Variants in ARNT2 observed in about 807,000 individuals in gnomAD.
ARNT2 encodes ARNT protein 2.
In ARNT2, 36 loss-of-function variants were observed where a neutral mutation model predicts 91.7. The observed-to-expected ratio is 0.39, with a 90% CI of 0.30 to 0.52. The LOEUF is 0.52. Ranked by LOEUF, ARNT2 falls within the 20% of genes least tolerant of loss-of-function variation. ARNT2 has a pLI of 0.72. For synonymous variants in ARNT2, 365 were observed against 347.1 expected (o/e 1.05, Z -0.57); for missense variants, 775 against 939.3 (o/e 0.83, Z 2.29).
At chr15:80,585,168 A>G (rs1283202672) in intron 17 of ARNT2, among the ~76,000 whole-genome samples, 1 of 152,206 alleles carries the variant, frequency 6.6e-6, no homozygotes, top group African/African-American at 2.4e-5. Context: ...CTGCTGTCAT[A>G]ATTGTGTTTC....
intron 1 of ARNT2, among the ~76,000 whole-genome samples, chr15:80,429,094 A>T (rs1833761040): frequency 6.6e-6 from 1 of 152,226 alleles, no homozygotes; most frequent in Non-Finnish European, 1.5e-5. Context: ...CCCGACTGTG[A>T]TAATAAGAAA....
chr15:80,560,459 T>A (rs79364965), intron 11 of ARNT2, among the ~76,000 whole-genome samples: 7,571 of 152,238 alleles, frequency 0.05, 301 homozygotes, highest in African/African-American at 0.12. Flanking sequence ...GGTGCAGAAC[T>A]GCCCGCTCCC....
chr15:80,507,304 A>T (rs1432772269), intron 5 of ARNT2, among the ~76,000 whole-genome samples: 1 of 152,054 alleles, frequency 6.6e-6, no homozygotes, highest in Non-Finnish European at 1.5e-5. Flanking sequence ...TCTTCCTCTG[A>T]GGTAAGAGCA....
At chr15:80,412,099 C>T (rs917860641) in intron 1 of ARNT2, among the ~76,000 whole-genome samples, 2 of 152,196 alleles carry the variant, frequency 1.3e-5, no homozygotes, top group African/African-American at 2.4e-5. Context: ...TTGAATAGTG[C>T]AGGCTTTAGA....
intron 1 of ARNT2, among the ~76,000 whole-genome samples, chr15:80,430,175 C>T (rs1038139455): frequency 6.6e-6 from 1 of 152,140 alleles, no homozygotes; most frequent in Non-Finnish European, 1.5e-5. Flanking sequence ...CTTGATACCA[C>T]AGCTATAACT....
At chr15:80,545,917 T>A (rs901429859) in intron 8 of ARNT2, among the ~76,000 whole-genome samples, 3 of 152,326 alleles carry the variant, frequency 2.0e-5, no homozygotes, top group Middle Eastern at 3.4e-3. Flanking sequence ...AGGTAAAATC[T>A]AGCTTCTTTG....
intron 8 of ARNT2, among the ~76,000 whole-genome samples, chr15:80,519,537 T>A (rs917859890): frequency 1.3e-5 from 2 of 152,166 alleles, no homozygotes; most frequent in African/African-American, 4.8e-5. Flanking sequence ...CAGAAGGATG[T>A]CTTTGAGTTC....
intron 17 of ARNT2, among the ~76,000 whole-genome samples, chr15:80,586,628 G>A (rs1893176684): frequency 6.6e-6 from 1 of 152,116 alleles, no homozygotes; most frequent in African/African-American, 2.4e-5. Context: ...CCCTTTGGGA[G>A]GCCGAGGTGG....
chr15:80,405,007 C>T (rs1417649144), intron 1 of ARNT2, among the ~76,000 whole-genome samples: 4 of 152,122 alleles, frequency 2.6e-5, no homozygotes, highest in African/African-American at 9.7e-5. Context: ...GGACTCTCCC[C>T]TGCCCGCCCC....
Position 80,514,847 on chromosome 15 carries a change from CT to C in ARNT2, c.877+443del, listed in dbSNP as rs1233208454. Among the ~76,000 whole-genome samples the C allele has an allele frequency of 6.6e-5, 10 of 152,262 alleles. No individual in the cohort carries two copies. In the East Asian group the frequency reaches 1.9e-3, roughly 29 times the overall value. Reference sequence around the variant, plus strand: ...GTTGCAGTGAGCCAAGATTTCGCCACTGTATTCCAGCCTGGGCAACACAGCA... The same window carrying C: ...GTTGCAGTGAGCCAAGATTTCGCCACGTATTCCAGCCTGGGCAACACAGCA... On this transcript the variant is annotated intron_variant, in intron 8 of 18. Transcript: ENST00000303329.
In ARNT2 at chr15:80,450,971, C is replaced by T; in HGVS notation, c.123C>T (p.Ala41=). 1.2e-6 allele frequency: 2 copies of T among 1,614,020 alleles called. No individual in the cohort carries two copies. The highest frequency in any genetic ancestry group is 1.7e-6 in the Non-Finnish European group (2 of 1,180,004). The change falls in exon 2 of 19, where the codon GCC becomes GCT. Residue 41 remains alanine, a synonymous_variant. Transcript: ENST00000303329. ...GQVRMAGAMP[A]RGGKRRSGMD... ...TGAGGATGGCGGGGGCCATGCCTGC[C>T]CGTGGAGGAAAGCGGCGTTCCGGGT... is the stretch of plus-strand genomic sequence containing the variant.
At chr15:80,430,113 G>A (rs773463218) in intron 1 of ARNT2, among the ~76,000 whole-genome samples, 5 of 152,144 alleles carry the variant, frequency 3.3e-5, no homozygotes, top group Admixed American at 6.5e-5. Context: ...GTCTTCTCCC[G>A]AGAATGAGCA....
intron 1 of ARNT2, among the ~76,000 whole-genome samples, chr15:80,417,564 T>G (rs1272495774): frequency 6.6e-6 from 1 of 151,504 alleles, no homozygotes; most frequent in Non-Finnish European, 1.5e-5. Context: ...CTTTCTTTTC[T>G]CCTTCTCCCC....
intron 8 of ARNT2, among the ~76,000 whole-genome samples, chr15:80,535,585 G>A (rs991444819): frequency 4.6e-5 from 7 of 152,178 alleles, no homozygotes; most frequent in Admixed American, 2.0e-4. Flanking sequence ...TCTACTGGGG[G>A]ATTTGTGCTT....
intron 12 of ARNT2, among the ~76,000 whole-genome samples, chr15:80,564,778 C>T (rs544988761): frequency 6.6e-6 from 1 of 151,236 alleles, no homozygotes; most frequent in South Asian, 2.1e-4. Context: ...TGAGAACACG[C>T]GGTATTTGGT....
At chr15:80,555,224 T>G in intron 11 of ARNT2, 85 bp downstream of exon 11, 1 of 1,456,326 alleles carries the variant, frequency 6.9e-7, no homozygotes, top group Non-Finnish European at 9.6e-7. Flanking sequence ...TCCTACTATG[T>G]GCCAGGCAGG....
intron 5 of ARNT2, among the ~76,000 whole-genome samples, chr15:80,487,560 G>C (rs534009349): frequency 1.2e-4 from 19 of 152,346 alleles, no homozygotes; most frequent in African/African-American, 4.6e-4. Context: ...GCTCAGGCCT[G>C]GCTCTGACAG....
chr15:80,532,816 G>T, intron 8 of ARNT2, among the ~76,000 whole-genome samples: 1 of 152,242 alleles, frequency 6.6e-6, no homozygotes, highest in East Asian at 1.9e-4. Context: ...GAAATGGAAT[G>T]AATGGCTTTG....
chr15:80,486,867 G>A (rs892646836), intron 5 of ARNT2, among the ~76,000 whole-genome samples: 3 of 152,186 alleles, frequency 2.0e-5, no homozygotes, highest in African/African-American at 4.8e-5. Flanking sequence ...CACCATGTAG[G>A]CATGGAGCCC....
Sources: gnomAD v4.1 joint callset for allele counts (sites outside exome capture counted in the v4.1 genomes callset) on GRCh38, gnomAD v4.1.1 for gene constraint, MANE v1.5 for transcripts, NCBI Gene and HGNC (gene_info 2026-07-23, HGNC 2026-07-21) for gene names.